The following NRXN1 variants were observed in gnomAD, a reference collection of about 807,000 sequenced individuals.
The protein encoded by NRXN1 is neurexin-1.
In NRXN1, 39 loss-of-function variants were observed where a neutral mutation model predicts 150.9. That is an observed-to-expected ratio of 0.26 (90% confidence interval 0.20 to 0.34). The LOEUF (loss-of-function observed/expected upper bound fraction) is 0.34, where lower values mean the gene tolerates loss of function less well. Among genes scored for constraint, NRXN1 ranks in the 10% least tolerant of loss-of-function variants. NRXN1 has a pLI of 1.00. For synonymous variants in NRXN1, 924 were observed against 757.0 expected (o/e 1.22, Z -3.62); for missense variants, 1,815 against 1,949.9 (o/e 0.93, Z 1.30).
At chr2:50,554,226 T>C (rs776966690) in intron 8 of NRXN1, among the ~76,000 whole-genome samples, 10 of 152,164 alleles carry the variant, frequency 6.6e-5, no homozygotes, top group African/African-American at 9.7e-5. Context: ...ATGGGTGTTT[T>C]ATATAATATA....
intron 21 of NRXN1, among the ~76,000 whole-genome samples, chr2:49,985,993 C>T (rs758992120): frequency 6.6e-6 from 1 of 152,178 alleles, no homozygotes; most frequent in Non-Finnish European, 1.5e-5. Flanking sequence ...AAAAGTCCAT[C>T]CTTTCTGTGA....
intron 17 of NRXN1, among the ~76,000 whole-genome samples, chr2:50,270,740 G>A (rs976043710): frequency 2.0e-5 from 3 of 150,978 alleles, no homozygotes; most frequent in Non-Finnish European, 4.4e-5. Flanking sequence ...TGCGATCTCA[G>A]CTCACTGCAA....
intron 5 of NRXN1, among the ~76,000 whole-genome samples, chr2:50,878,373 G>C (rs2103648197): frequency 6.6e-6 from 1 of 151,964 alleles, no homozygotes; most frequent in East Asian, 2.0e-4. Context: ...ACTGGCTTTG[G>C]TATTTTGTCA....
At chr2:50,863,880 T>G (rs545331500) in intron 5 of NRXN1, among the ~76,000 whole-genome samples, 4 of 152,022 alleles carry the variant, frequency 2.6e-5, no homozygotes, top group Admixed American at 6.6e-5. Flanking sequence ...TAGACCATGG[T>G]GAGCCTATGA....
intron 2 of NRXN1, among the ~76,000 whole-genome samples, chr2:50,991,767 G>C (rs888296330): frequency 6.6e-6 from 1 of 151,932 alleles, no homozygotes; most frequent in Non-Finnish European, 1.5e-5. Flanking sequence ...GTTCTTCTGA[G>C]ATAAAAAACA....
At chr2:50,368,290 A>C (rs948377656) in intron 17 of NRXN1, among the ~76,000 whole-genome samples, 3 of 151,942 alleles carry the variant, frequency 2.0e-5, no homozygotes, top group African/African-American at 7.2e-5. Context: ...AGACTCCCAA[A>C]TTCTTTAGAG....
chr2:50,721,886 A>G (rs928704215), intron 5 of NRXN1, among the ~76,000 whole-genome samples: 2 of 152,150 alleles, frequency 1.3e-5, no homozygotes, highest in Non-Finnish European at 2.9e-5. Flanking sequence ...GAAACTAGTG[A>G]GTAGCAGAGC....
chr2:50,570,372 T>C (rs1378499132), intron 8 of NRXN1, among the ~76,000 whole-genome samples: 6 of 152,210 alleles, frequency 3.9e-5, no homozygotes, highest in African/African-American at 1.4e-4. Context: ...AGGTTGGTGC[T>C]GTTAATCATA....
chr2:50,955,764 C>T (rs1392126040), intron 2 of NRXN1, among the ~76,000 whole-genome samples: 1 of 152,170 alleles, frequency 6.6e-6, no homozygotes, highest in Non-Finnish European at 1.5e-5. Flanking sequence ...GAAAATGCAA[C>T]ACTTCATTCT....
At chr2:50,656,679 C>A (rs980118015) in intron 5 of NRXN1, among the ~76,000 whole-genome samples, 2 of 151,774 alleles carry the variant, frequency 1.3e-5, no homozygotes, top group African/African-American at 4.8e-5. Context: ...CTAGCTACTT[C>A]ACAGCCCTCA....
chr2:50,142,014 T>C (rs554145862), intron 18 of NRXN1, among the ~76,000 whole-genome samples: 48 of 152,154 alleles, frequency 3.2e-4, no homozygotes, highest in African/African-American at 1.0e-3. Context: ...CCATGTTTGT[T>C]GCAGTAATAT....
chr2:50,550,477 C>A lies in NRXN1; in HGVS notation c.1759+2110G>T, dbSNP rs1322472565. 5.3e-5 allele frequency among the ~76,000 whole-genome samples: 8 copies of A among 151,926 alleles called. No individual in the cohort carries two copies. In the East Asian group the frequency reaches 1.6e-3, roughly 30 times the overall value. On this transcript the variant is annotated intron_variant, in intron 9 of 22. Transcript: ENST00000401669. ...TCTATCTTAAGTCAAATTATAACAT[C>A]CACAAGCTAATATTTCAAAGCACTA...
At chr2:50,234,927 C>A (rs771024184) in intron 18 of NRXN1, among the ~76,000 whole-genome samples, 1 of 151,922 alleles carries the variant, frequency 6.6e-6, no homozygotes. Flanking sequence ...TTACTTATGA[C>A]AGGACCCTAA....
chr2:50,693,753 A>G (rs548727757), intron 5 of NRXN1, among the ~76,000 whole-genome samples: 1 of 152,288 alleles, frequency 6.6e-6, no homozygotes, highest in Non-Finnish European at 1.5e-5. Context: ...ATATGTCTGC[A>G]ACCTAAAGTA....
intron 18 of NRXN1, among the ~76,000 whole-genome samples, chr2:50,211,993 T>C (rs1343650244): frequency 6.6e-6 from 1 of 151,696 alleles, no homozygotes; most frequent in African/African-American, 2.4e-5. Context: ...GAATTCCTAA[T>C]ACATCTTAAG....
intron 17 of NRXN1, among the ~76,000 whole-genome samples, chr2:50,354,116 G>C (rs532478721): frequency 6.6e-6 from 1 of 152,042 alleles, no homozygotes; most frequent in Non-Finnish European, 1.5e-5. Context: ...TGTTCCCTAA[G>C]CATAGATCAT....
chr2:50,538,240 T>G lies in NRXN1; in HGVS notation c.2143+13A>C, dbSNP rs1434874535. On this transcript the variant is annotated intron_variant, in intron 10 of 22. Transcript: ENST00000401669. ...ATCTCAGGGAGTTGGCTGCTGGGGT[T>G]TTAGAATCCTACCTCTCTCACAGGA... 1 of 1,601,626 alleles carries G rather than the reference T, an allele frequency of 6.2e-7. No homozygotes were observed. Among genetic ancestry groups the G allele is most frequent in the Non-Finnish European group, 8.5e-7 (1 of 1,171,830 alleles).
At chr2:50,661,577 C>T (rs1443014690) in intron 5 of NRXN1, among the ~76,000 whole-genome samples, 1 of 152,032 alleles carries the variant, frequency 6.6e-6, no homozygotes, top group African/African-American at 2.4e-5. Context: ...AGACACATAG[C>T]CCCAGAGGCT....
At chr2:50,308,432 G>A (rs1214722310) in intron 17 of NRXN1, among the ~76,000 whole-genome samples, 2 of 152,066 alleles carry the variant, frequency 1.3e-5, no homozygotes, top group African/African-American at 2.4e-5. Flanking sequence ...GGCTCAGGCA[G>A]TCTTCCTGCC....
Sources: gnomAD v4.1 joint callset for allele counts (sites outside exome capture counted in the v4.1 genomes callset) on GRCh38, gnomAD v4.1.1 for gene constraint, MANE v1.5 for transcripts, NCBI Gene and HGNC (gene_info 2026-07-23, HGNC 2026-07-21) for gene names.